Variants in DCDC1 observed in about 807,000 individuals in gnomAD.
DCDC1 encodes the protein doublecortin domain containing 1.
In DCDC1, 200 loss-of-function variants were observed where a neutral mutation model predicts 178.3. The observed-to-expected ratio is 1.12, with a 90% CI of 1.00 to 1.26. The LOEUF (loss-of-function observed/expected upper bound fraction) is 1.26. Ranked by LOEUF, DCDC1 falls within the 50% of genes most tolerant of loss-of-function variation. The pLI, the probability that DCDC1 is intolerant of heterozygous loss-of-function variation, is 0.00. For missense variants in DCDC1, 1,983 were observed against 1,749.2 expected, an observed-to-expected ratio of 1.13 and a Z score of -2.38; for synonymous variants, 690 against 604.8, an observed-to-expected ratio of 1.14 and a Z score of -2.07.
intron 8 of DCDC1, among the ~76,000 whole-genome samples, chr11:31,259,751 A>C (rs1322199013): frequency 1.3e-5 from 2 of 152,176 alleles, no homozygotes; most frequent in Non-Finnish European, 2.9e-5. Flanking sequence ...GCTTCCCAAG[A>C]AGTTAGGTCA....
At chr11:30,882,099 G>A (rs1942736999) in intron 36 of DCDC1, 1 of 153,182 alleles carries the variant, frequency 6.5e-6, no homozygotes, top group Admixed American at 6.6e-5. Context: ...CCAAAATGCA[G>A]GTGCCAAGTC....
chr11:30,925,260 A>C, intron 23 of DCDC1, 49 bp downstream of exon 23: 1 of 1,461,660 alleles, frequency 6.8e-7, no homozygotes, highest in South Asian at 1.2e-5. Flanking sequence ...TCTTTCTTGG[A>C]TGGGGTATTA....
intron 1 of DCDC1, among the ~76,000 whole-genome samples, chr11:31,354,923 T>C (rs1022342580): frequency 2.0e-5 from 3 of 151,808 alleles, no homozygotes; most frequent in Non-Finnish European, 2.9e-5. Flanking sequence ...TTATTTTTTT[T>C]CCCTCAACTT....
At chr11:31,170,289 A>C (rs1173256567) in intron 9 of DCDC1, among the ~76,000 whole-genome samples, 1 of 152,120 alleles carries the variant, frequency 6.6e-6, no homozygotes, top group Non-Finnish European at 1.5e-5. Context: ...TCTTGGGTCC[A>C]AGTCAGTAGA....
At chr11:30,942,780 G>A (rs535752314) in intron 21 of DCDC1, among the ~76,000 whole-genome samples, 2 of 152,288 alleles carry the variant, frequency 1.3e-5, no homozygotes, top group East Asian at 3.9e-4. Flanking sequence ...CCAGTTAGAC[G>A]AAGGAAGCCC....
At chr11:30,948,307 G>T (rs1420165597) in intron 21 of DCDC1, among the ~76,000 whole-genome samples, 1 of 152,020 alleles carries the variant, frequency 6.6e-6, no homozygotes, top group Non-Finnish European at 1.5e-5. Flanking sequence ...GGGATGTGAA[G>T]GACCTCTTCA....
intron 17 of DCDC1, 37 bp downstream of exon 17, chr11:31,091,356 A>G: frequency 1.4e-6 from 1 of 700,748 alleles, no homozygotes; most frequent in Non-Finnish European, 2.6e-6. Flanking sequence ...TGAAATTAGC[A>G]TTTATTATCT....
At chr11:31,135,288 A>T (rs1292623086) in intron 10 of DCDC1, among the ~76,000 whole-genome samples, 5 of 152,156 alleles carry the variant, frequency 3.3e-5, no homozygotes, top group Non-Finnish European at 7.4e-5. Context: ...TTCCATTAGG[A>T]TTTCCTTTCT....
At chr11:30,980,546 T>G (rs2134789800) in intron 20 of DCDC1, among the ~76,000 whole-genome samples, 1 of 152,246 alleles carries the variant, frequency 6.6e-6, no homozygotes, top group East Asian at 1.9e-4. Context: ...GGCTGTGAAT[T>G]TGGAAGCCCA....
At chr11:31,258,637 C>T (rs1400797046) in intron 8 of DCDC1, among the ~76,000 whole-genome samples, 1 of 152,178 alleles carries the variant, frequency 6.6e-6, no homozygotes, top group East Asian at 1.9e-4. Context: ...GAGGAAATGG[C>T]AGCAGTGTTC....
chr11:31,096,941 G>A (rs886862817), intron 15 of DCDC1, among the ~76,000 whole-genome samples: 8 of 152,176 alleles, frequency 5.3e-5, no homozygotes, highest in East Asian at 1.9e-4. Context: ...GCGCGCGCCC[G>A]TGTACACACA....
rs1390260267 is a variant in DCDC1 at position 31,316,323 on chromosome 11, C to T, written c.165-8415G>A. Among the ~76,000 whole-genome samples, 7 of 128,868 alleles carry T rather than the reference C, an allele frequency of 5.4e-5. No homozygotes were observed. The East Asian group carries it at 8.8e-4, about 16-fold the overall frequency. The allele number at this position is 128,868 out of a possible 152,430, so 84.5% of individuals were successfully genotyped here. ...ACATCCTCTCCAGCACCTGTTGTTT[C>T]CTGACTTTGTAATGATTGCCATTCT... On this transcript the variant is annotated intron_variant, in intron 3 of 38. Coordinates refer to ENST00000684477, the MANE Select transcript of DCDC1 (RefSeq NM_001387274.1).
At chr11:31,328,334 T>C in intron 2 of DCDC1, 48 bp from the exon 3 acceptor site, 6 of 1,490,832 alleles carry the variant, frequency 4.0e-6, no homozygotes, top group Non-Finnish European at 5.4e-6. Context: ...AAAATCCTAC[T>C]AGATTACAAA....
chr11:31,279,909 AAAG>A (rs1164250157), intron 7 of DCDC1, among the ~76,000 whole-genome samples: 1 of 152,038 alleles, frequency 6.6e-6, no homozygotes, highest in East Asian at 1.9e-4. Context: ...AATAATAATA[AAAG>A]ATTATCTGTA....
chr11:30,968,411 C>T (rs1054321841), intron 20 of DCDC1, among the ~76,000 whole-genome samples: 7 of 151,654 alleles, frequency 4.6e-5, no homozygotes, highest in Non-Finnish European at 8.8e-5. Context: ...CAGAAACAAG[C>T]GATCAACCAC....
At chr11:31,055,756 A>G (rs952214771) in intron 20 of DCDC1, among the ~76,000 whole-genome samples, 6 of 152,182 alleles carry the variant, frequency 3.9e-5, no homozygotes, top group African/African-American at 1.4e-4. Flanking sequence ...TCAGGAATGG[A>G]AAAACCAAAC....
chr11:30,879,312 G>T (rs1253549315), intron 37 of DCDC1, among the ~76,000 whole-genome samples: 1 of 152,112 alleles, frequency 6.6e-6, no homozygotes, highest in African/African-American at 2.4e-5. Context: ...TTAAGTAAAT[G>T]TCCCTTAATG....
chr11:30,933,663 C>G (rs1387454112), intron 21 of DCDC1, among the ~76,000 whole-genome samples: 1 of 152,190 alleles, frequency 6.6e-6, no homozygotes, highest in Admixed American at 6.5e-5. Flanking sequence ...CTGCTAGCCT[C>G]ATGAAATGAA....
chr11:31,118,591 A>T (rs1960326562), intron 11 of DCDC1, among the ~76,000 whole-genome samples: 1 of 152,136 alleles, frequency 6.6e-6, no homozygotes, highest in Non-Finnish European at 1.5e-5. Flanking sequence ...CATATCAAAC[A>T]CTCCGTGAAA....
Sources: gnomAD v4.1 joint callset for allele counts (sites outside exome capture counted in the v4.1 genomes callset) on GRCh38, gnomAD v4.1.1 for gene constraint, MANE v1.5 for transcripts, NCBI Gene and HGNC (gene_info 2026-07-23, HGNC 2026-07-21) for gene names.